The following BOC variants were observed in gnomAD, a reference collection of about 807,000 sequenced individuals.
BOC encodes brother of CDO.
BOC carries 76 observed loss-of-function variants against 112.0 expected under a neutral mutation model. The ratio of observed to expected loss-of-function variants is 0.68; its 90% CI spans 0.56 to 0.82. The LOEUF (loss-of-function observed/expected upper bound fraction) is 0.82, where lower values mean the gene tolerates loss of function less well. Among genes scored for constraint, BOC ranks in the 40% least tolerant of loss-of-function variants. The pLI, the probability that BOC is intolerant of heterozygous loss-of-function variation, is 0.00. For missense variants in BOC, 1,309 were observed against 1,511.7 expected, an observed-to-expected ratio of 0.87 and a Z score of 2.22; for synonymous variants, 580 against 599.8, an observed-to-expected ratio of 0.97 and a Z score of 0.48.
At position 113,286,755 on chromosome 3, in the gene BOC, T is replaced by C. The variant is rs767283578; in HGVS notation, c.3241T>C (p.Cys1081Arg). ...CTGCCAAGTGAGTGGAGGAGACTGG[T>C]GTCCCCAGCACCCCGTAGGGGCCTA... ...DSCQVSGGDW[C>R]PQHPVGAYVG... The change falls in exon 20 of 20, where the codon TGT becomes CGT. Residue 1081 changes from cysteine (C) to arginine (R), a missense_variant. Transcript: ENST00000682979. The C allele has an allele frequency of 4.3e-6, 7 of 1,613,872 alleles. No individual in the cohort carries two copies. Among genetic ancestry groups the C allele is most frequent in the Non-Finnish European group, 5.9e-6 (7 of 1,179,864 alleles).
intron 4 of BOC, among the ~76,000 whole-genome samples, chr3:113,255,727 A>G (rs1368566483): frequency 6.6e-6 from 1 of 152,214 alleles, no homozygotes; most frequent in Non-Finnish European, 1.5e-5. Context: ...CTCTGGCATC[A>G]GAGATCAGCA....
At chr3:113,216,094 T>A (rs1312459492) in intron 1 of BOC, 93 bp from the exon 2 acceptor site, 5 of 349,870 alleles carry the variant, frequency 1.4e-5, no homozygotes, top group Non-Finnish European at 2.3e-5. Flanking sequence ...GATAAGGACT[T>A]ACTATGGTTT....
At chr3:113,249,927 C>T (rs1199610702) in intron 3 of BOC, 28 bp downstream of exon 3, 2 of 1,582,310 alleles carry the variant, frequency 1.3e-6, no homozygotes, top group East Asian at 4.5e-5. Context: ...CTTTCCCTGC[C>T]CTTACAGTCA....
chr3:113,222,934 G>C (rs1367337473), intron 2 of BOC, among the ~76,000 whole-genome samples: 1 of 152,230 alleles, frequency 6.6e-6, no homozygotes, highest in Non-Finnish European at 1.5e-5. Context: ...GGCTGGCCCT[G>C]TGCCAGGCAC....
chr3:113,262,824 G>A (rs1461455847), intron 4 of BOC, among the ~76,000 whole-genome samples: 1 of 152,226 alleles, frequency 6.6e-6, no homozygotes, highest in Non-Finnish European at 1.5e-5. Context: ...GTCCATCAAT[G>A]AAGCAGTTTG....
At chr3:113,276,333 T>C (rs1948669124) in intron 9 of BOC, among the ~76,000 whole-genome samples, 1 of 152,242 alleles carries the variant, frequency 6.6e-6, no homozygotes, top group Non-Finnish European at 1.5e-5. Flanking sequence ...CAGTGACTAA[T>C]TACCCTTCTA....
chr3:113,264,872 A>G (rs544807404), intron 4 of BOC, among the ~76,000 whole-genome samples: 1 of 152,274 alleles, frequency 6.6e-6, no homozygotes, highest in African/African-American at 2.4e-5. Context: ...ACTGCTGCTT[A>G]TTTGTTTTGA....
intron 1 of BOC, chr3:113,212,398 C>T (rs1938359096): frequency 6.6e-6 from 1 of 152,188 alleles, no homozygotes; most frequent in African/African-American, 2.4e-5. Context: ...TCCAGCCAGC[C>T]TCCCAAACTT....
At chr3:113,236,262 G>GGGTATATATATATATATA (rs1943445996) in intron 2 of BOC, among the ~76,000 whole-genome samples, 2 of 26,644 alleles carry the variant, frequency 7.5e-5, no homozygotes, top group African/African-American at 2.8e-4. Context: ...GTGTGTGTGT[G>GGGTATATATATATATATA]TGTGTATATA....
At chr3:113,222,019 C>G (rs1940771364) in intron 2 of BOC, among the ~76,000 whole-genome samples, 2 of 152,230 alleles carry the variant, frequency 1.3e-5, no homozygotes, top group South Asian at 4.1e-4. Flanking sequence ...AGCACCCTCC[C>G]TCATTTCAAT....
chr3:113,259,496 A>G (rs1357802526), intron 4 of BOC, among the ~76,000 whole-genome samples: 1 of 152,202 alleles, frequency 6.6e-6, no homozygotes, highest in African/African-American at 2.4e-5. Context: ...AAAGAAAACC[A>G]AGAGAGCAAA....
chr3:113,283,387 A>C (rs1367566862), intron 15 of BOC, 24 bp from the exon 16 acceptor site: 2 of 1,566,930 alleles, frequency 1.3e-6, no homozygotes, highest in African/African-American at 1.4e-5. Flanking sequence ...CATATGCTGA[A>C]GTGAGTTTTG....
intron 2 of BOC, among the ~76,000 whole-genome samples, chr3:113,218,889 AG>A (rs1435264571): frequency 1.3e-5 from 2 of 152,154 alleles, no homozygotes; most frequent in East Asian, 1.9e-4. Context: ...CAATGGGAGA[AG>A]GGGGGTGGGG....
At chr3:113,235,790 C>T (rs1440986695) in intron 2 of BOC, among the ~76,000 whole-genome samples, 4 of 152,124 alleles carry the variant, frequency 2.6e-5, no homozygotes, top group Non-Finnish European at 5.9e-5. Flanking sequence ...TTTAAAACAA[C>T]GAAGAATATT....
rs760308862 is a variant in BOC, at chr3:113,284,353, G to A, written c.2675G>A (p.Gly892Asp). 9.9e-6 allele frequency: 16 copies of A among 1,614,112 alleles called. No individual in the cohort carries two copies. Among genetic ancestry groups the A allele is most frequent in the Non-Finnish European group, 1.4e-5 (16 of 1,179,982 alleles). The change falls in exon 17 of 20, where the codon GGT (glycine) becomes GAT (aspartate). Residue 892 changes from glycine (G) to aspartate (D), a missense_variant. By Grantham distance (94) the Gly-to-Asp change is moderately conservative. Coordinates refer to ENST00000682979, the MANE Select transcript of BOC (RefSeq NM_001378074.1). ...CTTCCAGAACATACAACAGACCTGGGTTTTCCTCGAAGTGCCCTTCCACCC... is the reference window on the plus strand; with the variant it reads ...CTTCCAGAACATACAACAGACCTGGATTTTCCTCGAAGTGCCCTTCCACCC... ...WSKQKHTTDL[G>D]FPRSALPPSC...
chr3:113,286,582 C>A, intron 19 of BOC, 93 bp from the exon 20 acceptor site: 2 of 1,162,936 alleles, frequency 1.7e-6, no homozygotes, highest in Non-Finnish European at 2.4e-6. Flanking sequence ...AGTGTAACCA[C>A]CTCCACCACA....
At chr3:113,261,050 G>A (rs1365858604) in intron 4 of BOC, among the ~76,000 whole-genome samples, 1 of 152,166 alleles carries the variant, frequency 6.6e-6, no homozygotes, top group African/African-American at 2.4e-5. Context: ...GTGCCACCGA[G>A]GCTGATGGGA....
intron 4 of BOC, among the ~76,000 whole-genome samples, chr3:113,255,770 C>T (rs1432457012): frequency 6.6e-6 from 1 of 152,114 alleles, no homozygotes; most frequent in Non-Finnish European, 1.5e-5. Flanking sequence ...GAAGGAGTCC[C>T]CCTCGCCACT....
chr3:113,279,403 C>T lies in BOC; in HGVS notation c.1971C>T (p.Thr657=). The T allele has an allele frequency of 6.2e-7, 1 of 1,614,188 alleles. No individual in the cohort carries two copies. Among genetic ancestry groups the T allele is most frequent in the Non-Finnish European group, 8.5e-7 (1 of 1,180,022 alleles). Reference sequence around the variant, plus strand: ...AAGTGGGAGACTGGATTCTGGCCACCAGCGCCATCCCCCCATCGCGGCTGT... The same window carrying T: ...AAGTGGGAGACTGGATTCTGGCCACTAGCGCCATCCCCCCATCGCGGCTGT... ...LKKVGDWILA[T]SAIPPSRLSV... Residue 657 remains threonine, a synonymous_variant, in exon 12 of 20, where the codon ACC becomes ACT. Coordinates refer to ENST00000682979, the MANE Select transcript of BOC (RefSeq NM_001378074.1).
Sources: allele counts gnomAD v4.1 joint callset (sites outside exome capture counted in the v4.1 genomes callset), GRCh38; gene constraint gnomAD v4.1.1; transcripts MANE v1.5; gene names NCBI Gene and HGNC (gene_info 2026-07-23, HGNC 2026-07-21).